The following ZNF148 variants were observed in gnomAD, a reference collection of about 807,000 sequenced individuals.
The protein encoded by ZNF148 is zinc finger protein 148.
Under a neutral mutation model 67.7 loss-of-function variants are expected in ZNF148, and 7 were observed. That is an observed-to-expected ratio of 0.10 (90% CI 0.06 to 0.19). The LOEUF (loss-of-function observed/expected upper bound fraction) is 0.19, where lower values mean the gene tolerates loss of function less well. ZNF148 is among the 10% of genes least tolerant of loss of function. The probability of loss-of-function intolerance (pLI) is 1.00; values close to 1 mark genes in which losing one functional copy is unlikely to be tolerated. For synonymous variants in ZNF148, 333 were observed against 330.7 expected, an observed-to-expected ratio of 1.01 and a Z score of -0.08; for missense variants, 583 against 947.1, an observed-to-expected ratio of 0.62 and a Z score of 5.05.
chr3:125,352,872 C>T (rs1942205537), intron 1 of ZNF148, among the ~76,000 whole-genome samples: 1 of 152,052 alleles, frequency 6.6e-6, no homozygotes, highest in South Asian at 2.1e-4. Context: ...CACTATAAAG[C>T]TATAATAATC....
intron 3 of ZNF148, among the ~76,000 whole-genome samples, chr3:125,314,394 T>C (rs1940384846): frequency 6.6e-6 from 1 of 152,178 alleles, no homozygotes. Flanking sequence ...ATCACTACAG[T>C]AGTCAATACC....
intron 1 of ZNF148, among the ~76,000 whole-genome samples, chr3:125,332,134 ACATATG>A: frequency 6.6e-6 from 1 of 152,356 alleles, no homozygotes; most frequent in Admixed American, 6.5e-5. Context: ...GGCTGTATTT[ACATATG>A]CTTTATCAAG....
intron 7 of ZNF148, among the ~76,000 whole-genome samples, chr3:125,244,149 A>C (rs1936491544): frequency 6.6e-6 from 1 of 152,170 alleles, no homozygotes; most frequent in South Asian, 2.1e-4. Context: ...AAGGGCCCTA[A>C]AGTTTCTCTT....
At chr3:125,346,707 G>T (rs1941957509) in intron 1 of ZNF148, among the ~76,000 whole-genome samples, 1 of 152,046 alleles carries the variant, frequency 6.6e-6, no homozygotes, top group Admixed American at 6.5e-5. Flanking sequence ...TGTGAAGAAG[G>T]TCCTTATCTC....
rs551423243 is a variant in ZNF148, at chr3:125,239,713, T to C, written c.668-5384A>G. On this transcript the variant is annotated intron_variant, in intron 7 of 8. Transcript: ENST00000360647. ...TCACACAAAAACTCATGCACAAGTA[T>C]TCATAGCGGCATTATTCACAATGGC... Among the ~76,000 whole-genome samples, 7 of 152,288 alleles carry C rather than the reference T, an allele frequency of 4.6e-5. No homozygotes were observed. The South Asian group carries it at 1.5e-3, about 32-fold the overall frequency.
chr3:125,285,844 TATAA>T (rs1334332795), intron 5 of ZNF148, among the ~76,000 whole-genome samples: 1 of 152,206 alleles, frequency 6.6e-6, no homozygotes, highest in Non-Finnish European at 1.5e-5. Context: ...TACAGAGGTA[TATAA>T]ATACTTAAAT....
At chr3:125,340,477 G>C (rs1390572758) in intron 1 of ZNF148, among the ~76,000 whole-genome samples, 1 of 152,186 alleles carries the variant, frequency 6.6e-6, no homozygotes, top group Non-Finnish European at 1.5e-5. Context: ...GGCGAGAAAA[G>C]AAGAGACCAG....
At position 125,288,181 on chromosome 3, in the gene ZNF148, C is replaced by T. The variant is rs772249800; in HGVS notation, c.381G>A (p.Leu127=). ...CTCTGATTTGTTTTTTGTCTCTCAT[C>T]AGTTGCTCAGATACATCAGTAAAAG... The part of the protein sequence containing the change: ...EITFTDVSEQ[L]MRDKKQIREP... Residue 127 remains leucine (L), a synonymous_variant, in exon 5 of 9, where the codon CTG becomes CTA. Transcript: ENST00000360647. 1.5e-5 allele frequency: 24 copies of T among 1,613,534 alleles called. No individual in the cohort carries two copies. The highest frequency in any genetic ancestry group is 1.9e-5 in the Non-Finnish European group (23 of 1,179,834).
chr3:125,288,888 T>A (rs891166336), intron 4 of ZNF148, among the ~76,000 whole-genome samples: 1 of 152,206 alleles, frequency 6.6e-6, no homozygotes, highest in African/African-American at 2.4e-5. Context: ...TGATGCTAAC[T>A]ACATAATAGA....
rs1272512108 is a variant in ZNF148 at position 125,227,766 on chromosome 3, T to C, written c.*4575A>G. The C allele has an allele frequency of 6.6e-6, 1 of 152,630 alleles. No individual in the cohort carries two copies. The highest frequency in any genetic ancestry group is 1.5e-5 in the Non-Finnish European group (1 of 68,022). The allele number at this position is 152,630 out of a possible 1,614,324, so 9.5% of individuals were successfully genotyped here. A position where few individuals can be genotyped will look rare whatever the true frequency, so the allele number is the denominator to read the frequency against. On this transcript the variant is annotated 3_prime_UTR_variant, in exon 9 of 9. Coordinates refer to ENST00000360647, the MANE Select transcript of ZNF148 (RefSeq NM_021964.3). ...ACATTACATATAAAAGATACCAGTG[T>C]ACTAAAAAGTGACAGAAGTGGACTA...
chr3:125,328,839 T>C (rs1579817528), intron 2 of ZNF148, among the ~76,000 whole-genome samples: 2 of 152,134 alleles, frequency 1.3e-5, no homozygotes, highest in East Asian at 3.9e-4. Context: ...ATTAAAAAGT[T>C]TGACACTAGC....
At chr3:125,251,111 T>C (rs1936822538) in intron 7 of ZNF148, among the ~76,000 whole-genome samples, 1 of 152,184 alleles carries the variant, frequency 6.6e-6, no homozygotes, top group South Asian at 2.1e-4. Flanking sequence ...ATCATAATCA[T>C]AGCTCATTAA....
chr3:125,353,092 C>T (rs1012011675), intron 1 of ZNF148, among the ~76,000 whole-genome samples: 4 of 152,108 alleles, frequency 2.6e-5, no homozygotes, highest in Admixed American at 1.3e-4. Context: ...TTACAAAAAA[C>T]GCTGTACACA....
chr3:125,229,920 T>C lies in ZNF148; in HGVS notation c.*2421A>G, dbSNP rs994426063. 5.2e-5 allele frequency: 8 copies of C among 152,558 alleles called. No homozygotes were observed. The highest frequency in any genetic ancestry group is 1.9e-4 in the African/African-American group (8 of 41,434). 9.5% of individuals were successfully genotyped at this position (152,558 alleles called of 1,614,324 possible). A position where few individuals can be genotyped will look rare whatever the true frequency, so the allele number is the denominator to read the frequency against. On this transcript the variant is annotated 3_prime_UTR_variant, in exon 9 of 9. Coordinates refer to ENST00000360647, the MANE Select transcript of ZNF148 (RefSeq NM_021964.3). The stretch of plus-strand genomic sequence containing the variant: ...TAAGAGAGTGATGACTATACGTAAA[T>C]GGTAAGTCAATAAGTTATGCTGGCT...
chr3:125,346,503 T>C (rs1380165949), intron 1 of ZNF148, among the ~76,000 whole-genome samples: 1 of 152,112 alleles, frequency 6.6e-6, no homozygotes, highest in African/African-American at 2.4e-5. Context: ...CCACCCAAAT[T>C]TGATCTCGAA....
chr3:125,336,605 A>G (rs1941502123), intron 1 of ZNF148, among the ~76,000 whole-genome samples: 2 of 150,224 alleles, frequency 1.3e-5, no homozygotes, highest in Admixed American at 1.3e-4. Flanking sequence ...GCCTAATAGT[A>G]TATTTTTTAT....
chr3:125,325,294 A>G (rs1354340758), intron 2 of ZNF148, among the ~76,000 whole-genome samples: 1 of 152,158 alleles, frequency 6.6e-6, no homozygotes, highest in African/African-American at 2.4e-5. Context: ...AGATACATCA[A>G]TAGAAACCAT....
intron 1 of ZNF148, chr3:125,344,270 A>G (rs2107742427): frequency 2.4e-6 from 1 of 411,188 alleles, no homozygotes; most frequent in East Asian, 4.9e-5. Flanking sequence ...CCACCAAACG[A>G]CACGAAAGAG....
chr3:125,313,848 T>C (rs534997742), intron 3 of ZNF148, among the ~76,000 whole-genome samples, 192 bp from the exon 4 acceptor site: 1 of 152,146 alleles, frequency 6.6e-6, no homozygotes, highest in Non-Finnish European at 1.5e-5. Context: ...ACACAAATTT[T>C]CATTTTCATA....
Sources: allele counts gnomAD v4.1 joint callset (sites outside exome capture counted in the v4.1 genomes callset), GRCh38; gene constraint gnomAD v4.1.1; transcripts MANE v1.5; gene names NCBI Gene and HGNC (gene_info 2026-07-23, HGNC 2026-07-21).